Variants in IL34 observed in about 807,000 individuals in gnomAD.
IL34 encodes the protein interleukin 34.
In IL34, 17 loss-of-function variants were observed where a neutral mutation model predicts 25.3. That is an observed-to-expected ratio of 0.67 (90% CI 0.46 to 1.01). The LOEUF is 1.01. Among genes scored for constraint, IL34 ranks in the 50% least tolerant of loss-of-function variants. The probability of loss-of-function intolerance (pLI) is 0.00; values close to 1 mark genes in which losing one functional copy is unlikely to be tolerated. For synonymous variants in IL34, 174 were observed against 140.9 expected, an observed-to-expected ratio of 1.23 and a Z score of -1.66; for missense variants, 368 against 312.9, an observed-to-expected ratio of 1.18 and a Z score of -1.33.
chr16:70,595,204 G>A (rs566757952), intron 1 of IL34, among the ~76,000 whole-genome samples: 5 of 151,800 alleles, frequency 3.3e-5, no homozygotes, highest in Admixed American at 6.6e-5. Context: ...CAGGTGATCC[G>A]CCCACCTCGG....
chr16:70,636,612 C>G (rs1443619248), intron 1 of IL34, among the ~76,000 whole-genome samples: 3 of 151,356 alleles, frequency 2.0e-5, no homozygotes, highest in African/African-American at 7.3e-5. Context: ...CACACACACA[C>G]ACACACACAC....
At chr16:70,645,917 G>A (rs1054572137), upstream of IL34, among the ~76,000 whole-genome samples, 7 of 152,120 alleles carry the variant, frequency 4.6e-5, no homozygotes, top group Non-Finnish European at 1.0e-4. Flanking sequence ...GCCAGGCATG[G>A]TAGTGCACAT....
chr16:70,605,101 A>T (rs193171347), intron 1 of IL34, among the ~76,000 whole-genome samples: 7 of 152,160 alleles, frequency 4.6e-5, no homozygotes, highest in Non-Finnish European at 8.8e-5. Flanking sequence ...GTCATCAGGG[A>T]GAGAGGTGGG....
In IL34 at chr16:70,590,475, G is replaced by A. The variant is rs546874122; in HGVS notation, c.-401+10426G>A. Among the ~76,000 whole-genome samples, 33 of 152,306 alleles carry A rather than the reference G, an allele frequency of 2.2e-4. No homozygotes were observed. The South Asian group carries it at 6.6e-3, about 31-fold the overall frequency. Reference sequence around the variant, plus strand: ...CCGACGCTGTGCACCTCTCTGATGGGACCCAGTCCAGACAAAAATTGTATA... The same window carrying A: ...CCGACGCTGTGCACCTCTCTGATGGAACCCAGTCCAGACAAAAATTGTATA... On this transcript the variant is annotated intron_variant, in intron 1 of 6. Transcript: ENST00000429149.
chr16:70,589,771 C>T (rs997987602), intron 1 of IL34, among the ~76,000 whole-genome samples: 2 of 151,864 alleles, frequency 1.3e-5, no homozygotes, highest in Non-Finnish European at 2.9e-5. Flanking sequence ...TACAGGTGCC[C>T]GCCACCACGC....
chr16:70,581,800 G>A (rs760220799), intron 1 of IL34, among the ~76,000 whole-genome samples: 3 of 152,244 alleles, frequency 2.0e-5, no homozygotes, highest in Non-Finnish European at 2.9e-5. Context: ...AACTTGTTAG[G>A]GGCCGGACAT....
chr16:70,605,320 T>C (rs1022551898), intron 1 of IL34, among the ~76,000 whole-genome samples: 1 of 152,232 alleles, frequency 6.6e-6, no homozygotes, highest in African/African-American at 2.4e-5. Context: ...CACTTCTATG[T>C]GATTCAAATT....
intron 1 of IL34, among the ~76,000 whole-genome samples, chr16:70,625,939 C>T (rs2051383543): frequency 6.6e-6 from 1 of 152,166 alleles, no homozygotes; most frequent in African/African-American, 2.4e-5. Context: ...GGATCTTTCT[C>T]ACAGAGCAAA....
At chr16:70,591,764 C>T (rs1336067724) in intron 1 of IL34, among the ~76,000 whole-genome samples, 1 of 152,096 alleles carries the variant, frequency 6.6e-6, no homozygotes, top group African/African-American at 2.4e-5. Context: ...AGCTGATATT[C>T]CCATACTGCA....
chr16:70,621,802 A>T (rs2051288660), intron 1 of IL34, among the ~76,000 whole-genome samples: 1 of 152,016 alleles, frequency 6.6e-6, no homozygotes, highest in South Asian at 2.1e-4. Context: ...TCTGGCGGGC[A>T]GGAGTGGGGG....
upstream of IL34, among the ~76,000 whole-genome samples, chr16:70,643,755 T>A (rs1174690503): frequency 2.6e-5 from 4 of 152,212 alleles, no homozygotes; most frequent in Non-Finnish European, 5.9e-5. Flanking sequence ...AAGATGCACA[T>A]CAGAGATTTA....
At position 70,660,231 on chromosome 16, in the gene IL34, C is replaced by G. The variant is rs781489072; in HGVS notation, c.*44C>G. The G allele has an allele frequency of 3.3e-6, 5 of 1,494,940 alleles. No individual in the cohort carries two copies. The South Asian group carries it at 6.7e-5, about 20-fold the overall frequency. The allele number at this position is 1,494,940 out of a possible 1,614,324, so 92.6% of individuals were successfully genotyped here. On this transcript the variant is annotated 3_prime_UTR_variant, in exon 6 of 6. Coordinates refer to ENST00000288098, the MANE Select transcript of IL34 (RefSeq NM_001393494.1). ...GCGGATAGGGGCAGCCAGACCAGCT[C>G]CCACAGGAGTTCAACTGGGTCTGAG...
intron 1 of IL34, among the ~76,000 whole-genome samples, chr16:70,638,537 C>T (rs560142470): frequency 6.6e-6 from 1 of 152,244 alleles, no homozygotes; most frequent in Admixed American, 6.5e-5. Flanking sequence ...TCTCTCTGGT[C>T]CCCTGGTTGG....
At chr16:70,644,759 AG>A (rs2051869424), upstream of IL34, among the ~76,000 whole-genome samples, 1 of 113,056 alleles carries the variant, frequency 8.8e-6, no homozygotes, top group Admixed American at 8.9e-5. Context: ...GGGAGGAGGG[AG>A]GAAAAGGAGG....
chr16:70,613,741 G>T (rs2051128539), intron 1 of IL34, among the ~76,000 whole-genome samples: 1 of 152,088 alleles, frequency 6.6e-6, no homozygotes, highest in South Asian at 2.1e-4. Context: ...AGGCATGGTG[G>T]CGTGCACCTG....
chr16:70,644,956 GAGGAGGAAGGAGGAAGAGAAAGGGAGT>G (rs1483304532), upstream of IL34, among the ~76,000 whole-genome samples: 1 of 116,990 alleles, frequency 8.5e-6, no homozygotes, highest in Admixed American at 7.7e-5. Context: ...GGAGGAAGAG[GAGGAGGAAGGAGGAAGAGAAAGGGAGT>G]AGGAGGAAGG....
chr16:70,657,603 C>G (rs372085220), intron 4 of IL34, among the ~76,000 whole-genome samples: 1 of 152,024 alleles, frequency 6.6e-6, no homozygotes, highest in Non-Finnish European at 1.5e-5. Context: ...GGTGAAACCC[C>G]GTCTCTACTA....
intron 1 of IL34, among the ~76,000 whole-genome samples, chr16:70,603,357 G>A (rs890522445): frequency 1.3e-5 from 2 of 152,010 alleles, no homozygotes; most frequent in Non-Finnish European, 1.5e-5. Flanking sequence ...TCGGCTCACC[G>A]CAACCTCCAC....
chr16:70,597,695 T>G (rs899578047), intron 1 of IL34, among the ~76,000 whole-genome samples: 2 of 152,242 alleles, frequency 1.3e-5, no homozygotes, highest in Non-Finnish European at 2.9e-5. Flanking sequence ...TGATGTACAC[T>G]CTATACAAAT....
Sources: gnomAD v4.1 joint callset for allele counts (sites outside exome capture counted in the v4.1 genomes callset) on GRCh38, gnomAD v4.1.1 for gene constraint, MANE v1.5 for transcripts, NCBI Gene and HGNC (gene_info 2026-07-23, HGNC 2026-07-21) for gene names.